Variants in SLC35D4 observed in about 807,000 individuals in gnomAD.
The protein encoded by SLC35D4 is UDP-N-acetylglucosamine transporter SLC35D4.
chr18:23,416,367 T>C, the SLC35D4 span, among the ~76,000 whole-genome samples: 5 of 152,218 alleles, frequency 3.3e-5, no homozygotes, highest in African/African-American at 7.2e-5. Flanking sequence ...TAGTAACCTC[T>C]GGGACTCCAA....
At chr18:23,317,087 T>G in the SLC35D4 span, among the ~76,000 whole-genome samples, 1 of 152,110 alleles carries the variant, frequency 6.6e-6, no homozygotes, top group Non-Finnish European at 1.5e-5. Context: ...CACTCAACAG[T>G]GGCTTTGCTT....
At chr18:23,384,851 T>G in the SLC35D4 span, 1 of 659,814 alleles carries the variant, frequency 1.5e-6, no homozygotes, top group Non-Finnish European at 2.6e-6. Context: ...TCCCATGGTA[T>G]CATTGATCAC....
the SLC35D4 span, among the ~76,000 whole-genome samples, chr18:23,358,674 C>T: frequency 6.6e-6 from 1 of 152,154 alleles, no homozygotes; most frequent in African/African-American, 2.4e-5. Context: ...ATTTTCCTCA[C>T]CCCTGCACCC....
At chr18:23,402,581 G>A in the SLC35D4 span, among the ~76,000 whole-genome samples, 1 of 152,118 alleles carries the variant, frequency 6.6e-6, no homozygotes, top group African/African-American at 2.4e-5. Context: ...AAAATGGAAG[G>A]ATAATTTGAG....
the SLC35D4 span, chr18:23,385,204 T>G: frequency 1.4e-6 from 1 of 713,594 alleles, no homozygotes; most frequent in African/African-American, 1.8e-5. Context: ...AGCAAAGACT[T>G]CTACATGGAT....
At chr18:23,273,497 G>C in the SLC35D4 span, among the ~76,000 whole-genome samples, 13 of 152,198 alleles carry the variant, frequency 8.5e-5, no homozygotes, top group Non-Finnish European at 1.9e-4. Flanking sequence ...AATTGTTGTG[G>C]AGACACGGAA....
the SLC35D4 span, among the ~76,000 whole-genome samples, chr18:23,380,969 C>A: frequency 6.6e-6 from 1 of 152,176 alleles, no homozygotes; most frequent in Non-Finnish European, 1.5e-5. Context: ...ACATAGTAGA[C>A]AAAATAGCCC....
chr18:23,253,694 C>T, the SLC35D4 span: 1 of 1,581,310 alleles, frequency 6.3e-7, no homozygotes, highest in Non-Finnish European at 8.7e-7. Flanking sequence ...TCTAAGTTTT[C>T]ACAAGACTGT....
At chr18:23,344,879 C>T in the SLC35D4 span, among the ~76,000 whole-genome samples, 1 of 152,120 alleles carries the variant, frequency 6.6e-6, no homozygotes, top group Admixed American at 6.5e-5. Context: ...GGATTATAGG[C>T]GTGAGCCACA....
the SLC35D4 span, chr18:23,296,181 G>T: frequency 6.6e-6 from 1 of 151,924 alleles, no homozygotes; most frequent in Non-Finnish European, 1.5e-5. Flanking sequence ...ACCATGGCAC[G>T]TGCATACCTA....
the SLC35D4 span, among the ~76,000 whole-genome samples, chr18:23,301,604 C>T: frequency 3.9e-5 from 6 of 152,098 alleles, no homozygotes; most frequent in Non-Finnish European, 8.8e-5. Flanking sequence ...GAATGATGTG[C>T]GAAGGGAAAA....
the SLC35D4 span, among the ~76,000 whole-genome samples, chr18:23,242,972 T>C: frequency 6.6e-6 from 1 of 151,804 alleles, no homozygotes; most frequent in Non-Finnish European, 1.5e-5. Context: ...ATGAGGTAGG[T>C]GATTAGATTC....
At chr18:23,426,787 C>T in the SLC35D4 span, among the ~76,000 whole-genome samples, 203 of 152,272 alleles carry the variant, frequency 1.3e-3, 1 homozygote, top group African/African-American at 4.8e-3. Flanking sequence ...GCTACAGTAA[C>T]CAAAACAGCA....
At chr18:23,409,767 C>T in the SLC35D4 span, among the ~76,000 whole-genome samples, 25 of 151,614 alleles carry the variant, frequency 1.6e-4, no homozygotes, top group African/African-American at 5.6e-4. Context: ...TGGATTGAAC[C>T]CAGGAGGTGG....
chr18:23,336,737 A>T, the SLC35D4 span, among the ~76,000 whole-genome samples: 7 of 152,352 alleles, frequency 4.6e-5, no homozygotes, highest in East Asian at 1.3e-3. Context: ...AAGAACCTCA[A>T]ATAGTGAACT....
chr18:23,424,558 T>C, the SLC35D4 span, among the ~76,000 whole-genome samples: 5 of 152,186 alleles, frequency 3.3e-5, no homozygotes, highest in Non-Finnish European at 5.9e-5. Context: ...AGCGTAGAGA[T>C]TACCCTTTCC....
the SLC35D4 span, among the ~76,000 whole-genome samples, chr18:23,407,738 G>T: frequency 6.6e-6 from 1 of 152,182 alleles, no homozygotes; most frequent in Non-Finnish European, 1.5e-5. Flanking sequence ...ATATCCAATA[G>T]AGGGGATAAT....
At chr18:23,350,797 A>G in the SLC35D4 span, among the ~76,000 whole-genome samples, 1 of 152,150 alleles carries the variant, frequency 6.6e-6, no homozygotes, top group African/African-American at 2.4e-5. Context: ...TGGTTTTCAC[A>G]GCCTCGCCTG....
the SLC35D4 span, among the ~76,000 whole-genome samples, chr18:23,405,571 T>C: frequency 6.6e-6 from 1 of 152,222 alleles, no homozygotes; most frequent in Non-Finnish European, 1.5e-5. Context: ...GTTAACTCAT[T>C]CATATTCATT....
Sources: gnomAD v4.1 joint callset for allele counts (sites outside exome capture counted in the v4.1 genomes callset) on GRCh38, gnomAD v4.1.1 for gene constraint, MANE v1.5 for transcripts, NCBI Gene and HGNC (gene_info 2026-07-23, HGNC 2026-07-21) for gene names.